Variants in APLF observed in about 807,000 individuals in gnomAD.
The protein encoded by APLF is aprataxin and PNKP like factor.
APLF carries 61 observed loss-of-function variants against 55.6 expected under a neutral mutation model. The observed-to-expected ratio is 1.10, with a 90% CI of 0.89 to 1.36. APLF has a LOEUF of 1.36. Ranked by LOEUF, APLF falls within the 40% of genes most tolerant of loss-of-function variation. The pLI, the probability that APLF is intolerant of heterozygous loss-of-function variation, is 0.00. For missense variants in APLF, 611 were observed against 602.5 expected (o/e 1.01, Z -0.15); for synonymous variants, 207 against 214.8 (o/e 0.96, Z 0.32).
At chr2:68,513,853 ATTAC>A (rs752985070) in intron 5 of APLF, among the ~76,000 whole-genome samples, 173 bp downstream of exon 5, 10 of 151,786 alleles carry the variant, frequency 6.6e-5, no homozygotes, top group Non-Finnish European at 1.2e-4. Flanking sequence ...AACATAGGCT[ATTAC>A]TTTATGCCAT....
intron 3 of APLF, among the ~76,000 whole-genome samples, chr2:68,509,557 G>T (rs918094530): frequency 6.6e-6 from 1 of 152,066 alleles, no homozygotes; most frequent in African/African-American, 2.4e-5. Flanking sequence ...TCATTAAAAA[G>T]TCAGGAAACA....
At chr2:68,493,373 G>A (rs1462856335) in intron 2 of APLF, among the ~76,000 whole-genome samples, 1 of 152,072 alleles carries the variant, frequency 6.6e-6, no homozygotes, top group Non-Finnish European at 1.5e-5. Flanking sequence ...TCTACTCCAG[G>A]TAGATTAAAT....
chr2:68,510,619 C>T (rs1368925801), intron 3 of APLF, among the ~76,000 whole-genome samples: 1 of 151,750 alleles, frequency 6.6e-6, no homozygotes, highest in Non-Finnish European at 1.5e-5. Flanking sequence ...TCTGGCAGTT[C>T]CTCAAAAGTT....
chr2:68,546,101 G>A (rs939793339), intron 8 of APLF, among the ~76,000 whole-genome samples: 12 of 151,998 alleles, frequency 7.9e-5, no homozygotes, highest in African/African-American at 2.9e-4. Flanking sequence ...AAGTTTCTAG[G>A]ACCAGAAAGG....
intron 9 of APLF, among the ~76,000 whole-genome samples, chr2:68,572,759 A>C (rs1000045105): frequency 1.3e-5 from 2 of 152,202 alleles, no homozygotes; most frequent in African/African-American, 4.8e-5. Flanking sequence ...GTATCACTTG[A>C]GCCCAGGATG....
intron 9 of APLF, among the ~76,000 whole-genome samples, chr2:68,575,917 ATT>A (rs1302536536): frequency 1.3e-5 from 2 of 152,124 alleles, no homozygotes; most frequent in East Asian, 3.8e-4. Flanking sequence ...GAATTTGGGA[ATT>A]TAGGACATAA....
intron 8 of APLF, among the ~76,000 whole-genome samples, chr2:68,556,367 T>TA (rs555061617): frequency 6.6e-6 from 1 of 152,100 alleles, no homozygotes; most frequent in African/African-American, 2.4e-5. Context: ...AAAAATTTAA[T>TA]AAAAAAAGGT....
intron 3 of APLF, among the ~76,000 whole-genome samples, chr2:68,511,567 G>A (rs1199421256): frequency 6.6e-6 from 1 of 151,592 alleles, no homozygotes. Context: ...TGGAATTGAT[G>A]ATGTTACTTA....
At chr2:68,541,683 C>T (rs767807166) in intron 7 of APLF, among the ~76,000 whole-genome samples, 3 of 152,158 alleles carry the variant, frequency 2.0e-5, no homozygotes, top group Non-Finnish European at 2.9e-5. Context: ...TCACAGTGTG[C>T]AAGCAGCCAT....
At chr2:68,497,771 G>C (rs993084625) in intron 2 of APLF, among the ~76,000 whole-genome samples, 1 of 152,036 alleles carries the variant, frequency 6.6e-6, no homozygotes, top group African/African-American at 2.4e-5. Context: ...TTCCAGCATT[G>C]TGGATTGCAA....
intron 5 of APLF, among the ~76,000 whole-genome samples, chr2:68,523,279 C>G (rs1216442251): frequency 6.6e-6 from 1 of 151,838 alleles, no homozygotes; most frequent in African/African-American, 2.4e-5. Flanking sequence ...ATTAACTTAT[C>G]AACATTTAAG....
In APLF at chr2:68,528,908, G is replaced by A. The variant is rs893744667; in HGVS notation, c.804+2666G>A. 21 of 1,523,864 alleles carry A rather than the reference G, an allele frequency of 1.4e-5. No homozygotes were observed. The Admixed American group carries it at 4.1e-4, about 30-fold the overall frequency. The allele number at this position is 1,523,864 out of a possible 1,614,324, so 94.4% of individuals were successfully genotyped here. On this transcript the variant is annotated intron_variant, in intron 6 of 9. Transcript: ENST00000303795. The stretch of plus-strand genomic sequence containing the variant: ...CTGAGTCTCCAGGGGCCTAGAGGTG[G>A]AGGCTGCTTCCCCATTGCTACAGGG...
chr2:68,562,098 A>G (rs566330243), intron 8 of APLF, among the ~76,000 whole-genome samples: 1 of 152,058 alleles, frequency 6.6e-6, no homozygotes, highest in African/African-American at 2.4e-5. Context: ...GATAAGGTAG[A>G]TGAACCTAGA....
intron 1 of APLF, among the ~76,000 whole-genome samples, chr2:68,483,870 C>G (rs548653295): frequency 1.2e-3 from 189 of 152,180 alleles, no homozygotes; most frequent in African/African-American, 4.2e-3. Flanking sequence ...TTATACCTGT[C>G]TATGATGTTC....
intron 6 of APLF, among the ~76,000 whole-genome samples, chr2:68,533,072 C>T (rs1415266014): frequency 7.9e-5 from 12 of 152,092 alleles, no homozygotes; most frequent in Admixed American, 3.9e-4. Context: ...AAAAAAAGGT[C>T]GGGGGCTTGG....
chr2:68,530,610 T>C (rs1670227442), intron 6 of APLF, among the ~76,000 whole-genome samples: 1 of 152,232 alleles, frequency 6.6e-6, no homozygotes, highest in South Asian at 2.1e-4. Context: ...AAATACATTA[T>C]TTACAAGTTC....
At chr2:68,531,701 A>G (rs1275788924) in intron 6 of APLF, among the ~76,000 whole-genome samples, 1 of 152,228 alleles carries the variant, frequency 6.6e-6, no homozygotes, top group Non-Finnish European at 1.5e-5. Context: ...GAACATGTCA[A>G]TTGACGTTGC....
intron 5 of APLF, among the ~76,000 whole-genome samples, chr2:68,523,074 T>C (rs1669938373): frequency 6.6e-6 from 1 of 151,900 alleles, no homozygotes; most frequent in South Asian, 2.1e-4. Context: ...CCAAACAATA[T>C]ACTGAGATAT....
intron 8 of APLF, among the ~76,000 whole-genome samples, chr2:68,547,887 A>T (rs904657013): frequency 6.6e-6 from 1 of 151,866 alleles, no homozygotes; most frequent in South Asian, 2.1e-4. Flanking sequence ...ATTACACTTA[A>T]CTTATTTACA....
Sources: allele counts gnomAD v4.1 joint callset (sites outside exome capture counted in the v4.1 genomes callset), GRCh38; gene constraint gnomAD v4.1.1; transcripts MANE v1.5; gene names NCBI Gene and HGNC (gene_info 2026-07-23, HGNC 2026-07-21).